The following DRC4 variants were observed in gnomAD, a reference collection of about 807,000 sequenced individuals.
DRC4 encodes the protein GAS-11.
At chr16:90,035,526 T>G in the DRC4 span, 4 of 1,429,454 alleles carry the variant, frequency 2.8e-6, no homozygotes, top group Non-Finnish European at 3.0e-6. Flanking sequence ...GGAGGTGAGT[T>G]AGGGAATATG....
chr16:90,037,871 T>C, the DRC4 span: 3 of 1,606,324 alleles, frequency 1.9e-6, no homozygotes, highest in Non-Finnish European at 2.6e-6. Context: ...ACGCTGGCCC[T>C]GCAGTTGGCG....
chr16:90,031,534 C>G, the DRC4 span: 1 of 1,526,926 alleles, frequency 6.5e-7, no homozygotes, highest in Non-Finnish European at 8.8e-7. Flanking sequence ...ACCTGGTCAC[C>G]ACAGAGCCCC....
the DRC4 span, chr16:90,027,640 C>T: frequency 1.7e-5 from 27 of 1,613,832 alleles, no homozygotes; most frequent in South Asian, 8.8e-5. Context: ...CCAAAGGCAC[C>T]GAAAAAGAAA....
chr16:90,036,373 C>T, the DRC4 span: 3 of 1,594,786 alleles, frequency 1.9e-6, no homozygotes, highest in Non-Finnish European at 8.6e-7. Flanking sequence ...TTTGCTGCTG[C>T]CTTTCAGAAA....
chr16:90,029,236 A>G, the DRC4 span: 5 of 1,366,420 alleles, frequency 3.7e-6, no homozygotes, highest in African/African-American at 1.5e-5. Flanking sequence ...TGCACTGCAC[A>G]TCGCACGTTG....
chr16:90,037,034 G>A, the DRC4 span: 1 of 605,532 alleles, frequency 1.7e-6, no homozygotes, highest in Non-Finnish European at 2.9e-6. Context: ...CTGCATGGAA[G>A]CTGCATTCCC....
the DRC4 span, chr16:90,043,385 G>A: frequency 1.3e-6 from 2 of 1,570,760 alleles, no homozygotes; most frequent in Non-Finnish European, 1.7e-6. Flanking sequence ...AACCAGCCTA[G>A]GAACACTCGG....
chr16:90,043,339 G>A, the DRC4 span: 25 of 1,590,860 alleles, frequency 1.6e-5, no homozygotes, highest in African/African-American at 6.2e-5. Context: ...TGGGCACCCC[G>A]ACGTAGCTGC....
the DRC4 span, chr16:90,031,408 G>A: frequency 3.0e-5 from 49 of 1,613,558 alleles, no homozygotes; most frequent in East Asian, 1.1e-4. Context: ...GAGATCACAC[G>A]GAGGCAGCTG....
At chr16:90,029,997 T>C in the DRC4 span, 1 of 152,292 alleles carries the variant, frequency 6.6e-6, no homozygotes, top group Non-Finnish European at 1.5e-5. Context: ...GACCTCATGA[T>C]CTGCCTGTCT....
At chr16:90,042,927 C>T in the DRC4 span, 1 of 523,454 alleles carries the variant, frequency 1.9e-6, no homozygotes, top group African/African-American at 1.9e-5. Flanking sequence ...CCCTCCCAGA[C>T]CACAGCTCTG....
the DRC4 span, chr16:90,042,469 G>A: frequency 6.2e-7 from 1 of 1,613,700 alleles, no homozygotes; most frequent in South Asian, 1.1e-5. Flanking sequence ...TCTCTCCTCA[G>A]GATGTTCTTG....
chr16:90,036,598 G>A, the DRC4 span: 1 of 1,558,686 alleles, frequency 6.4e-7, no homozygotes, highest in South Asian at 1.2e-5. Flanking sequence ...TGCTGTGCGT[G>A]GGCTGGGCTG....
chr16:90,026,962 G>T, the DRC4 span, among the ~76,000 whole-genome samples: 9 of 151,776 alleles, frequency 5.9e-5, no homozygotes, highest in Admixed American at 1.3e-4. Flanking sequence ...GCCCAGGCTG[G>T]AGTGCAATGG....
the DRC4 span, among the ~76,000 whole-genome samples, chr16:90,025,007 T>TTC: frequency 0.012 from 1,840 of 147,308 alleles, 33 homozygotes; most frequent in African/African-American, 0.039. Flanking sequence ...ACATAATATT[T>TTC]TCTCTCTCTC....
chr16:90,027,247 G>A, the DRC4 span, among the ~76,000 whole-genome samples: 2 of 151,928 alleles, frequency 1.3e-5, no homozygotes, highest in Non-Finnish European at 2.9e-5. Context: ...CGGCACGCCC[G>A]GCTAATTTTT....
the DRC4 span, among the ~76,000 whole-genome samples, chr16:90,024,490 CT>C: frequency 3.5e-4 from 53 of 152,088 alleles, no homozygotes; most frequent in Non-Finnish European, 4.0e-4. Flanking sequence ...TCATTTCTTA[CT>C]TTTTAAGGAA....
chr16:90,036,599 G>A, the DRC4 span: 9 of 1,558,866 alleles, frequency 5.8e-6, no homozygotes, highest in South Asian at 7.1e-5. Flanking sequence ...GCTGTGCGTG[G>A]GCTGGGCTGG....
At chr16:90,025,780 G>A in the DRC4 span, among the ~76,000 whole-genome samples, 2 of 149,514 alleles carry the variant, frequency 1.3e-5, no homozygotes, top group Non-Finnish European at 3.0e-5. Context: ...CCAGCTCCTC[G>A]TGGAGGCTGA....
Sources: allele counts gnomAD v4.1 joint callset (sites outside exome capture counted in the v4.1 genomes callset), GRCh38; gene constraint gnomAD v4.1.1; transcripts MANE v1.5; gene names NCBI Gene and HGNC (gene_info 2026-07-23, HGNC 2026-07-21).